Variants in CELF2 observed in about 807,000 individuals in gnomAD.
The protein encoded by CELF2 is CUG triplet repeat RNA-binding protein 2.
A neutral mutation model predicts 62.6 loss-of-function variants in CELF2; 8 were observed. The observed-to-expected ratio is 0.13, with a 90% CI of 0.07 to 0.23. CELF2 has a LOEUF of 0.23. Ranked by LOEUF, CELF2 falls within the 10% of genes least tolerant of loss-of-function variation. CELF2 has a pLI of 1.00. For synonymous variants in CELF2, 258 were observed against 250.0 expected, an observed-to-expected ratio of 1.03 and a Z score of -0.30; for missense variants, 333 against 671.0, an observed-to-expected ratio of 0.50 and a Z score of 5.56.
intron 3 of CELF2, among the ~76,000 whole-genome samples, chr10:11,225,356 T>C (rs965846926): frequency 6.6e-6 from 1 of 152,196 alleles, no homozygotes; most frequent in African/African-American, 2.4e-5. Flanking sequence ...CAATGCCCTC[T>C]GTACTTGATC....
rs902267565 is a variant in CELF2, at chr10:11,269,116, C to G, written c.619-1550C>G. On this transcript the variant is annotated intron_variant, in intron 6 of 12. Transcript: ENST00000633077. The surrounding 1 kb of genome is among the most constrained non-coding windows in gnomAD (Gnocchi z 4.4). ...AATGACAACCCTTTTCCATGCAAAACCCCCTCTCTACATAATCTTCAAAGT... is the reference window on the plus strand; with the variant it reads ...AATGACAACCCTTTTCCATGCAAAAGCCCCTCTCTACATAATCTTCAAAGT... 6.6e-6 allele frequency among the ~76,000 whole-genome samples: 1 copy of G among 152,134 alleles called. No homozygotes were observed. The highest frequency in any genetic ancestry group is 6.5e-5 in the Admixed American group (1 of 15,274).
chr10:11,015,652 A>G (rs1333836189), upstream of CELF2, among the ~76,000 whole-genome samples: 5 of 152,230 alleles, frequency 3.3e-5, no homozygotes, highest in Non-Finnish European at 5.9e-5. This position sits in a 1 kb window ranked among gnomAD's most constrained non-coding sequence, Gnocchi z 4.8. Flanking sequence ...TATGTTACAC[A>G]GTAGTTAAAT....
In CELF2 at chr10:11,270,613, G is replaced by C; in HGVS notation, c.619-53G>C. 7.4e-7 allele frequency: 1 copy of C among 1,359,450 alleles called. No homozygotes were observed. The highest frequency in any genetic ancestry group is 9.6e-7 in the Non-Finnish European group (1 of 1,041,744). 84.2% of individuals were successfully genotyped at this position (1,359,450 alleles called of 1,614,324 possible). On this transcript the variant is annotated intron_variant, in intron 6 of 12. Coordinates refer to ENST00000633077, the MANE Select transcript of CELF2 (RefSeq NM_001326342.2). The surrounding 1 kb of genome is among the most constrained non-coding windows in gnomAD (Gnocchi z 5.8). Reference sequence around the variant, plus strand: ...AGCTCCGGTGCTGAGTGTCGTGAGCGGATTCCGCCAGCCTGTAACCCCCTC... The same window carrying C: ...AGCTCCGGTGCTGAGTGTCGTGAGCCGATTCCGCCAGCCTGTAACCCCCTC...
the CELF2 span, among the ~76,000 whole-genome samples, chr10:10,560,883 G>T: frequency 2.6e-5 from 4 of 152,112 alleles, no homozygotes; most frequent in Non-Finnish European, 5.9e-5. Context: ...GGATGAGATT[G>T]GATACTATTA....
intron 1 of CELF2, among the ~76,000 whole-genome samples, chr10:10,887,553 C>A (rs2061839659): frequency 6.6e-6 from 1 of 152,154 alleles, no homozygotes; most frequent in South Asian, 2.1e-4. Context: ...GTACCAAAAC[C>A]CATGTTTGCA....
At chr10:10,697,018 G>A in the CELF2 span, among the ~76,000 whole-genome samples, 1 of 152,062 alleles carries the variant, frequency 6.6e-6, no homozygotes, top group Non-Finnish European at 1.5e-5. Flanking sequence ...TGATTTTTAA[G>A]GTACATGTTC....
At chr10:11,250,705 A>G (rs1465724946) in intron 4 of CELF2, among the ~76,000 whole-genome samples, 1 of 152,234 alleles carries the variant, frequency 6.6e-6, no homozygotes. Context: ...AAGTCACTTA[A>G]ACATTGAACT....
At chr10:11,275,950 G>A (rs1225836963) in intron 8 of CELF2, among the ~76,000 whole-genome samples, 1 of 152,142 alleles carries the variant, frequency 6.6e-6, no homozygotes, top group Non-Finnish European at 1.5e-5. Flanking sequence ...AAAAAGGTGG[G>A]GGGAGAGAGC....
chr10:10,891,891 AG>A (rs1236302192), intron 1 of CELF2, among the ~76,000 whole-genome samples: 1 of 152,166 alleles, frequency 6.6e-6, no homozygotes, highest in Non-Finnish European at 1.5e-5. Flanking sequence ...GATCATTGGG[AG>A]GAGCAAATAG....
chr10:10,876,771 G>C (rs140013425), intron 1 of CELF2, among the ~76,000 whole-genome samples: 1 of 152,168 alleles, frequency 6.6e-6, no homozygotes. Flanking sequence ...AACCAAGAAA[G>C]CATCATCATG....
the CELF2 span, among the ~76,000 whole-genome samples, chr10:10,524,850 C>T: frequency 3.9e-5 from 6 of 152,114 alleles, no homozygotes; most frequent in Non-Finnish European, 8.8e-5. Context: ...CCCTATTCAT[C>T]ACTTGTTTCA....
intron 1 of CELF2, among the ~76,000 whole-genome samples, chr10:11,056,293 T>G (rs953791304): frequency 6.6e-6 from 1 of 152,262 alleles, no homozygotes; most frequent in Non-Finnish European, 1.5e-5. Flanking sequence ...GAGGCTTTGT[T>G]GTTTCTGCAG....
the CELF2 span, among the ~76,000 whole-genome samples, chr10:10,688,027 T>A: frequency 6.6e-6 from 1 of 152,256 alleles, no homozygotes; most frequent in African/African-American, 2.4e-5. Context: ...CTACTACTGC[T>A]GCTACATTTA....
the CELF2 span, among the ~76,000 whole-genome samples, chr10:10,649,886 C>A: frequency 6.6e-6 from 1 of 152,128 alleles, no homozygotes; most frequent in Admixed American, 6.5e-5. Context: ...GCAGCTGTTC[C>A]TCTGCTCACT....
At chr10:10,740,030 A>G in the CELF2 span, among the ~76,000 whole-genome samples, 1 of 152,062 alleles carries the variant, frequency 6.6e-6, no homozygotes, top group Non-Finnish European at 1.5e-5. Context: ...CTTATTAGAT[A>G]CATGGTTTGC....
intron 1 of CELF2, among the ~76,000 whole-genome samples, chr10:10,909,179 G>A (rs184223186): frequency 2.5e-4 from 38 of 152,284 alleles, no homozygotes; most frequent in Non-Finnish European, 2.5e-4. Context: ...CCCAGGGAGA[G>A]GGAGGTCCTC....
intron 8 of CELF2, among the ~76,000 whole-genome samples, chr10:11,279,943 T>C (rs1205688433): frequency 7.9e-5 from 12 of 152,180 alleles, no homozygotes; most frequent in Non-Finnish European, 1.2e-4. Flanking sequence ...AGTCACCCAG[T>C]TTATTGCCCC....
the CELF2 span, among the ~76,000 whole-genome samples, chr10:10,522,859 C>T: frequency 6.6e-6 from 1 of 152,116 alleles, no homozygotes; most frequent in African/African-American, 2.4e-5. Flanking sequence ...CATAAGCCAC[C>T]GTGTCTGGCC....
rs2096115930 is a variant in CELF2, at chr10:11,336,188, C to A, written c.*7135C>A. 6.5e-6 allele frequency: 1 copy of A among 152,684 alleles called. No individual in the cohort carries two copies. Among genetic ancestry groups the A allele is most frequent in the Admixed American group, 6.5e-5 (1 of 15,290 alleles). 9.5% of individuals were successfully genotyped at this position (152,684 alleles called of 1,614,324 possible). Reference sequence around the variant, plus strand: ...AGGACACACAGTGAACATTAATGTACTGTGAATCGTTCCTGATAAGTGAAT... The same window carrying A: ...AGGACACACAGTGAACATTAATGTAATGTGAATCGTTCCTGATAAGTGAAT... On this transcript the variant is annotated 3_prime_UTR_variant, in exon 13 of 13. Coordinates refer to ENST00000633077, the MANE Select transcript of CELF2 (RefSeq NM_001326342.2). The surrounding 1 kb of genome is among the most constrained non-coding windows in gnomAD (Gnocchi z 5.4).
Sources: allele counts gnomAD v4.1 joint callset (sites outside exome capture counted in the v4.1 genomes callset), GRCh38; gene constraint gnomAD v4.1.1; non-coding constraint Gnocchi (gnomAD v3.1); transcripts MANE v1.5; gene names NCBI Gene and HGNC (gene_info 2026-07-23, HGNC 2026-07-21).